Variants in KIAA1671 observed in about 807,000 individuals in gnomAD.
KIAA1671 encodes uncharacterized protein KIAA1671.
In KIAA1671, 52 loss-of-function variants were observed where a neutral mutation model predicts 131.2. That is an observed-to-expected ratio of 0.40 (90% CI 0.32 to 0.50). The LOEUF is 0.50. Ranked by LOEUF, KIAA1671 falls within the 20% of genes least tolerant of loss-of-function variation. The pLI is 0.73. For missense variants in KIAA1671, 2,360 were observed against 2,364.2 expected (o/e 1.00, Z 0.04); for synonymous variants, 1,003 against 961.6 (o/e 1.04, Z -0.80).
intron 4 of KIAA1671, among the ~76,000 whole-genome samples, chr22:25,034,492 A>C (rs1926480672): frequency 6.6e-6 from 1 of 151,746 alleles, no homozygotes; most frequent in African/African-American, 2.4e-5. Context: ...GTTCACTCAG[A>C]GTAATTATGT....
intron 6 of KIAA1671, among the ~76,000 whole-genome samples, chr22:25,082,565 G>A (rs1415176099): frequency 1.3e-5 from 2 of 152,208 alleles, no homozygotes; most frequent in African/African-American, 4.8e-5. Context: ...AGGCCTGGTG[G>A]CTCATGCCTG....
At position 25,106,674 on chromosome 22, in the gene KIAA1671, C is replaced by T. The variant is rs146663090; in HGVS notation, c.4530+57310C>T. ...TCACATAGGGCACAAAATTGGGGGA[C>T]ATCAAGAAAAGTCACTGATCACTGA... On this transcript the variant is annotated intron_variant, in intron 6 of 12. Transcript: ENST00000358431. Among the ~76,000 whole-genome samples, 199 of 152,140 alleles carry T rather than the reference C, an allele frequency of 1.3e-3. 1 individual carries two copies. The highest frequency in any genetic ancestry group is 2.2e-3 in the Non-Finnish European group (151 of 68,008).
chr22:25,068,506 G>A (rs1028793784), intron 6 of KIAA1671, among the ~76,000 whole-genome samples: 12 of 151,856 alleles, frequency 7.9e-5, no homozygotes, highest in African/African-American at 2.4e-4. Flanking sequence ...GCACGATCTC[G>A]GCTCACTGCA....
intron 6 of KIAA1671, among the ~76,000 whole-genome samples, chr22:25,170,564 G>GC (rs1933811729): frequency 6.6e-6 from 1 of 152,240 alleles, no homozygotes; most frequent in African/African-American, 2.4e-5. Flanking sequence ...GGCTCCACAT[G>GC]CCAGGTAGGG....
At chr22:25,079,669 G>A (rs1013988109) in intron 6 of KIAA1671, among the ~76,000 whole-genome samples, 1 of 152,226 alleles carries the variant, frequency 6.6e-6, no homozygotes, top group Non-Finnish European at 1.5e-5. Context: ...TTGCAGAACA[G>A]GAGGGATGCC....
intron 1 of KIAA1671, among the ~76,000 whole-genome samples, chr22:24,978,998 ATTT>A (rs200245806): frequency 8.0e-6 from 1 of 125,288 alleles, no homozygotes. Context: ...CATCTTAATC[ATTT>A]TTTTTTTTTT....
intron 6 of KIAA1671, among the ~76,000 whole-genome samples, chr22:25,073,998 C>T (rs1461338623): frequency 6.6e-6 from 1 of 152,068 alleles, no homozygotes; most frequent in Non-Finnish European, 1.5e-5. Flanking sequence ...CCAGTCCTGC[C>T]CCATTTTGTT....
In KIAA1671 at chr22:25,035,342, C is replaced by T. The variant is rs987887647; in HGVS notation, c.1629+2646C>T. 8.5e-5 allele frequency among the ~76,000 whole-genome samples: 13 copies of T among 152,272 alleles called. No homozygotes were observed. The East Asian group carries it at 1.3e-3, about 16-fold the overall frequency. On this transcript the variant is annotated intron_variant, in intron 4 of 12. Coordinates refer to ENST00000358431, the MANE Select transcript of KIAA1671 (RefSeq NM_001145206.2). Reference sequence around the variant, plus strand: ...GATTATAGGTGTGAGCCACCGCGTCCGGCCAGGACTTCTATTTTCTTTTCT... The same window carrying T: ...GATTATAGGTGTGAGCCACCGCGTCTGGCCAGGACTTCTATTTTCTTTTCT...
At chr22:25,177,686 A>G (rs1192674480) in intron 9 of KIAA1671, among the ~76,000 whole-genome samples, 164 bp downstream of exon 9, 1 of 152,150 alleles carries the variant, frequency 6.6e-6, no homozygotes, top group African/African-American at 2.4e-5. Flanking sequence ...ACAGGTGTTT[A>G]TTTAATTGTT....
chr22:25,032,277 C>T (rs1926337289), intron 3 of KIAA1671, among the ~76,000 whole-genome samples: 1 of 152,214 alleles, frequency 6.6e-6, no homozygotes, highest in Non-Finnish European at 1.5e-5. Flanking sequence ...CTTATCTGCC[C>T]CATAAAAGGG....
chr22:25,154,259 C>T (rs536952362), intron 6 of KIAA1671, among the ~76,000 whole-genome samples: 150 of 148,896 alleles, frequency 1.0e-3, no homozygotes, highest in African/African-American at 3.7e-3. Context: ...CTTCAACGGC[C>T]CTAGTCCCTG....
chr22:24,983,770 T>C (rs960614440), intron 1 of KIAA1671, among the ~76,000 whole-genome samples: 6 of 148,092 alleles, frequency 4.1e-5, no homozygotes, highest in Non-Finnish European at 7.4e-5. Flanking sequence ...GAAAGGTGTT[T>C]GGAATTTTTT....
At chr22:24,992,832 A>AAAAAAAAAAAAAAAAC (rs1923917723) in intron 1 of KIAA1671, among the ~76,000 whole-genome samples, 1 of 151,338 alleles carries the variant, frequency 6.6e-6, no homozygotes, top group Non-Finnish European at 1.5e-5. Context: ...AAAAAAAAAA[A>AAAAAAAAAAAAAAAAC]AAAAAAGACA....
intron 4 of KIAA1671, among the ~76,000 whole-genome samples, chr22:25,033,678 A>G (rs1926428127): frequency 7.1e-6 from 1 of 140,496 alleles, no homozygotes; most frequent in Admixed American, 7.6e-5. Flanking sequence ...TCCCGGGTTC[A>G]AGCAATTCTC....
chr22:25,169,463 G>C (rs888362257), intron 6 of KIAA1671, among the ~76,000 whole-genome samples: 1 of 147,324 alleles, frequency 6.8e-6, no homozygotes, highest in African/African-American at 2.5e-5. Context: ...GTCATTCAAA[G>C]CTTCAAAGCT....
chr22:25,025,600 C>G (rs1925907838), intron 1 of KIAA1671, 33 bp from the exon 2 acceptor site: 1 of 152,220 alleles, frequency 6.6e-6, no homozygotes, highest in Non-Finnish European at 1.5e-5. Flanking sequence ...GCCAGAACTC[C>G]GGAACTGAGG....
chr22:25,080,457 A>G (rs1929344269), intron 6 of KIAA1671, among the ~76,000 whole-genome samples: 2 of 152,220 alleles, frequency 1.3e-5, no homozygotes, highest in African/African-American at 4.8e-5. Flanking sequence ...CCCTGCTCAC[A>G]TCCACTAGAG....
intron 6 of KIAA1671, among the ~76,000 whole-genome samples, chr22:25,089,073 T>A (rs1037183293): frequency 6.6e-6 from 1 of 152,212 alleles, no homozygotes; most frequent in Non-Finnish European, 1.5e-5. Flanking sequence ...AGCTATTTAC[T>A]TAGTGTTTAC....
intron 6 of KIAA1671, among the ~76,000 whole-genome samples, chr22:25,090,260 G>A (rs924026512): frequency 1.3e-5 from 2 of 152,214 alleles, no homozygotes; most frequent in African/African-American, 2.4e-5. Flanking sequence ...AATTTCTTTC[G>A]TCAGTCCCTG....
Sources: gnomAD v4.1 joint callset for allele counts (sites outside exome capture counted in the v4.1 genomes callset) on GRCh38, gnomAD v4.1.1 for gene constraint, MANE v1.5 for transcripts, NCBI Gene and HGNC (gene_info 2026-07-23, HGNC 2026-07-21) for gene names.